FAAH2: variants seen among roughly 807,000 people sequenced by gnomAD.
FAAH2 encodes fatty acid amide hydrolase 2, also known as fatty-acid amide hydrolase 2.
FAAH2 carries 60 observed loss-of-function variants against 36.9 expected under a neutral mutation model. That is an observed-to-expected ratio of 1.63 (90% confidence interval 1.32 to 2.02). FAAH2 has a LOEUF of 2.02. Ranked by LOEUF, FAAH2 falls within the 30% of genes most tolerant of loss-of-function variation. The pLI, the probability that FAAH2 is intolerant of heterozygous loss-of-function variation, is 0.00. For missense variants in FAAH2, 689 were observed against 397.5 expected (o/e 1.73, Z -6.23); for synonymous variants, 214 against 143.8 (o/e 1.49, Z -3.49).
At chrX:57,270,589 C>T in the FAAH2 span, among the ~76,000 whole-genome samples, 6 of 111,750 alleles carry the variant, frequency 5.4e-5, no homozygotes, top group African/African-American at 9.7e-5. Flanking sequence ...CCAGCGAGAT[C>T]GATGCAGAAG....
At chrX:57,137,000 T>G in the FAAH2 span, 1 of 865,202 alleles carries the variant, frequency 1.2e-6, no homozygotes, top group Non-Finnish European at 1.4e-6. Flanking sequence ...CCACTGCCTA[T>G]CCTAACCACT....
rs1415850873 is a variant in FAAH2 at position 57,489,046 on chromosome X, T to G, written c.*114T>G. The G allele has an allele frequency of 1.9e-5, 14 of 753,110 alleles. No homozygotes were observed. The highest frequency in any genetic ancestry group is 2.2e-5 in the Non-Finnish European group (12 of 538,708). 62.1% of individuals were successfully genotyped at this position (753,110 alleles called of 1,213,427 possible). On this transcript the variant is annotated 3_prime_UTR_variant, in exon 11 of 11. Coordinates refer to ENST00000374900, the MANE Select transcript of FAAH2 (RefSeq NM_174912.4). ...CAAGCAGAGAAACAACTGGGGAATT[T>G]ATTGACTCATTTAGTTATTCTTTCT...
At chrX:57,235,331 G>T in the FAAH2 span, among the ~76,000 whole-genome samples, 1 of 111,473 alleles carries the variant, frequency 9.0e-6, no homozygotes, top group African/African-American at 3.3e-5. Context: ...TAACCTTTAG[G>T]TGTTGGGGAT....
Position 57,331,777 on chromosome X carries a change from G to A in FAAH2, c.592G>A (p.Asp198Asn). Residue 198 changes from aspartate to asparagine, a missense_variant, in exon 4 of 11, where the codon GAT becomes AAT. Asp to Asn is a conservative substitution (Grantham distance 23). Transcript: ENST00000374900. ...CTATGGCCGATCAAACAACCCATAT[G>A]ATTTACAGCATATTGTAGGTGGAAG... ...KIYGRSNNPY[D>N]LQHIVGGSSG... 2 of 1,211,512 alleles carry A rather than the reference G, an allele frequency of 1.7e-6. No individual in the cohort carries two copies. Among genetic ancestry groups the A allele is most frequent in the Non-Finnish European group, 2.2e-6 (2 of 895,420 alleles).
At chrX:57,123,428 G>C in the FAAH2 span, among the ~76,000 whole-genome samples, 1 of 112,253 alleles carries the variant, frequency 8.9e-6, no homozygotes, top group African/African-American at 3.2e-5. Flanking sequence ...TTGGTTCCAA[G>C]TCTTTGCTAT....
At chrX:57,189,248 G>A in the FAAH2 span, among the ~76,000 whole-genome samples, 1 of 110,417 alleles carries the variant, frequency 9.1e-6, no homozygotes, top group South Asian at 3.9e-4. Context: ...GGTCATTTAT[G>A]TTCTTCTCTA....
At chrX:57,456,163 G>A (rs892294306) in intron 10 of FAAH2, among the ~76,000 whole-genome samples, 6 of 111,536 alleles carry the variant, frequency 5.4e-5, no homozygotes, top group Admixed American at 1.9e-4. Context: ...AAAACTACCA[G>A]AAAATGGAAA....
chrX:57,207,245 A>G, the FAAH2 span, among the ~76,000 whole-genome samples: 4 of 111,218 alleles, frequency 3.6e-5, no homozygotes, highest in African/African-American at 1.3e-4. Context: ...CCCTAAATTT[A>G]TAGGTACAGA....
the FAAH2 span, among the ~76,000 whole-genome samples, chrX:57,264,999 C>T: frequency 8.9e-6 from 1 of 111,784 alleles, no homozygotes; most frequent in Non-Finnish European, 1.9e-5. Context: ...AGGACGATGG[C>T]CCACTCGGGA....
chrX:57,225,977 C>A, the FAAH2 span, among the ~76,000 whole-genome samples: 1 of 111,949 alleles, frequency 8.9e-6, no homozygotes, highest in Non-Finnish European at 1.9e-5. Context: ...GTTTTGGTGT[C>A]CATTTGCATG....
chrX:57,288,226 C>A (rs113732280), intron 1 of FAAH2, among the ~76,000 whole-genome samples: 18 of 107,876 alleles, frequency 1.7e-4, no homozygotes, highest in Non-Finnish European at 3.1e-4. Flanking sequence ...GAACCTGGCA[C>A]ATAGAAGATT....
At chrX:57,448,880 G>C (rs1383145075) in intron 10 of FAAH2, among the ~76,000 whole-genome samples, 162 bp downstream of exon 10, 1 of 112,310 alleles carries the variant, frequency 8.9e-6, no homozygotes, top group African/African-American at 3.2e-5. Context: ...AATGTCATAT[G>C]TTGAAGATAC....
At chrX:57,175,450 A>G in the FAAH2 span, among the ~76,000 whole-genome samples, 1 of 111,873 alleles carries the variant, frequency 8.9e-6, no homozygotes, top group African/African-American at 3.2e-5. Flanking sequence ...CCTTGAATCC[A>G]TAAGAATTAT....
intron 10 of FAAH2, among the ~76,000 whole-genome samples, chrX:57,487,023 C>T (rs1377696201): frequency 3.6e-5 from 4 of 111,391 alleles, no homozygotes; most frequent in African/African-American, 1.3e-4. Context: ...CAAGACAGTT[C>T]AATGAAGAAT....
chrX:57,403,814 C>T, intron 7 of FAAH2, among the ~76,000 whole-genome samples: 1 of 112,354 alleles, frequency 8.9e-6, no homozygotes, highest in Non-Finnish European at 1.9e-5. Context: ...TCTGTTCAGA[C>T]ATTTGTATGG....
chrX:57,351,791 A>G (rs779072184), intron 5 of FAAH2, among the ~76,000 whole-genome samples: 36 of 107,020 alleles, frequency 3.4e-4, no homozygotes, highest in African/African-American at 1.1e-3. Context: ...AGAAAATCTG[A>G]GCAGACAACG....
At chrX:57,165,991 G>T in the FAAH2 span, among the ~76,000 whole-genome samples, 7 of 111,032 alleles carry the variant, frequency 6.3e-5, no homozygotes, top group African/African-American at 2.0e-4. Context: ...GATGTTGAGA[G>T]GAACACAAAA....
chrX:57,411,168 A>G (rs1419158534), intron 7 of FAAH2, among the ~76,000 whole-genome samples: 3 of 111,588 alleles, frequency 2.7e-5, no homozygotes, highest in Non-Finnish European at 5.7e-5. Flanking sequence ...ACTCTTCTTA[A>G]TTATTCTTAG....
intron 10 of FAAH2, among the ~76,000 whole-genome samples, chrX:57,475,690 C>T (rs1192497660): frequency 3.6e-5 from 4 of 111,622 alleles, no homozygotes; most frequent in Non-Finnish European, 7.5e-5. Flanking sequence ...TTTTCTGGTT[C>T]CATATGAAAT....
Sources: gnomAD v4.1 joint callset for allele counts (sites outside exome capture counted in the v4.1 genomes callset) on GRCh38, gnomAD v4.1.1 for gene constraint, MANE v1.5 for transcripts, NCBI Gene and HGNC (gene_info 2026-07-23, HGNC 2026-07-21) for gene names.